The following CLEC5A variants were observed in gnomAD, a reference collection of about 807,000 sequenced individuals.
CLEC5A encodes C-type lectin domain family 5 member A.
CLEC5A carries 15 observed loss-of-function variants against 24.4 expected under a neutral mutation model. The observed-to-expected ratio is 0.62, with a 90% confidence interval of 0.41 to 0.95. The LOEUF (loss-of-function observed/expected upper bound fraction) is 0.95, where lower values mean the gene tolerates loss of function less well. Ranked by LOEUF, CLEC5A falls within the 40% of genes least tolerant of loss-of-function variation. The pLI, the probability that CLEC5A is intolerant of heterozygous loss-of-function variation, is 0.00. For missense variants in CLEC5A, 211 were observed against 224.0 expected, an observed-to-expected ratio of 0.94 and a Z score of 0.37; for synonymous variants, 71 against 72.6, an observed-to-expected ratio of 0.98 and a Z score of 0.11.
chr7:141,943,023 C>CA (rs1554441770), intron 4 of CLEC5A, among the ~76,000 whole-genome samples: 2 of 152,034 alleles, frequency 1.3e-5, no homozygotes. Flanking sequence ...GGAAGTTCCT[C>CA]AAAAAACTGT....
chr7:141,932,839 T>C (rs1554440560), intron 5 of CLEC5A, among the ~76,000 whole-genome samples: 1 of 152,218 alleles, frequency 6.6e-6, no homozygotes, highest in East Asian at 1.9e-4. Flanking sequence ...GCTTTCAAGT[T>C]ACAACAGCAG....
intron 5 of CLEC5A, among the ~76,000 whole-genome samples, chr7:141,932,824 C>T (rs564754524): frequency 1.4e-4 from 22 of 152,272 alleles, no homozygotes; most frequent in South Asian, 8.3e-4. Flanking sequence ...ACATTATCTA[C>T]GGCTGCTTTC....
At chr7:141,936,514 G>A (rs897242419) in intron 4 of CLEC5A, among the ~76,000 whole-genome samples, 5 of 152,182 alleles carry the variant, frequency 3.3e-5, no homozygotes, top group South Asian at 4.1e-4. Flanking sequence ...TTAGATGAGC[G>A]CTAGCCGGAG....
chr7:141,942,133 C>CA (rs797039336), intron 4 of CLEC5A, among the ~76,000 whole-genome samples: 2 of 151,752 alleles, frequency 1.3e-5, no homozygotes, highest in Admixed American at 6.6e-5. Context: ...CTATCCTAAG[C>CA]AAAAAAATAA....
chr7:141,934,611 ACGTTT>A (rs1802559832), intron 5 of CLEC5A, among the ~76,000 whole-genome samples: 1 of 99,440 alleles, frequency 1.0e-5, no homozygotes, highest in East Asian at 2.9e-4. Flanking sequence ...TTTTTCTTTA[ACGTTT>A]TTTTTTTTTT....
At chr7:141,938,010 A>G (rs1594777) in intron 4 of CLEC5A, among the ~76,000 whole-genome samples, 35,359 of 152,142 alleles carry the variant, frequency 0.23, 5,038 homozygotes, top group East Asian at 0.46. Flanking sequence ...AGGTCACAGC[A>G]CCCAAGTCCT....
chr7:141,930,060 T>C lies in CLEC5A; in HGVS notation c.*44A>G, dbSNP rs1554440072. The C allele has an allele frequency of 1.4e-6, 2 of 1,474,594 alleles. No individual in the cohort carries two copies. Among genetic ancestry groups the C allele is most frequent in the Non-Finnish European group, 1.9e-6 (2 of 1,056,332 alleles). The allele number at this position is 1,474,594 out of a possible 1,614,324, so 91.3% of individuals were successfully genotyped here. The stretch of plus-strand genomic sequence containing the variant: ...CATTGGCCAGACGACCTGTATGGAT[T>C]CAAAAAGAGTTGCAAGTATAGTTCT... On this transcript the variant is annotated 3_prime_UTR_variant, in exon 7 of 7. Coordinates refer to ENST00000546910, the MANE Select transcript of CLEC5A (RefSeq NM_013252.3).
Position 141,946,449 on chromosome 7 carries a change from G to A in CLEC5A, c.-20-137C>T, listed in dbSNP as rs1280508511. 4.1e-6 allele frequency: 3 copies of A among 728,210 alleles called. No individual in the cohort carries two copies. In the African/African-American group the frequency reaches 5.4e-5, roughly 13 times the overall value. The allele number at this position is 728,210 out of a possible 1,614,324, so 45.1% of individuals were successfully genotyped here. ...CAGGCATGACATTGACAGGTACCAGGAGGTGACCCAGCGTGGGCCGCGAAC... is the reference window on the plus strand; with the variant it reads ...CAGGCATGACATTGACAGGTACCAGAAGGTGACCCAGCGTGGGCCGCGAAC... On this transcript the variant is annotated intron_variant, in intron 1 of 6. Coordinates refer to ENST00000546910, the MANE Select transcript of CLEC5A (RefSeq NM_013252.3).
rs1802357354 is a variant in CLEC5A at position 141,928,295 on chromosome 7, T to C, written c.*1809A>G. On this transcript the variant is annotated 3_prime_UTR_variant, in exon 7 of 7. Transcript: ENST00000546910. Reference sequence around the variant, plus strand: ...AAAGAAATCACTAGATGTCTACATTTCCTGATCTTAAAAGTTTGCAGTTAT... The same window carrying C: ...AAAGAAATCACTAGATGTCTACATTCCCTGATCTTAAAAGTTTGCAGTTAT... 6.6e-6 allele frequency: 1 copy of C among 152,644 alleles called. No homozygotes were observed. Among genetic ancestry groups the C allele is most frequent in the South Asian group, 2.1e-4 (1 of 4,836 alleles). The allele number at this position is 152,644 out of a possible 1,614,324, so 9.5% of individuals were successfully genotyped here.
At chr7:141,940,944 C>T (rs1282167589) in intron 4 of CLEC5A, among the ~76,000 whole-genome samples, 2 of 151,914 alleles carry the variant, frequency 1.3e-5, no homozygotes, top group Non-Finnish European at 2.9e-5. Flanking sequence ...TAAAAACTCT[C>T]CCAATAAAGA....
chr7:141,942,922 C>A (rs1435249390), intron 4 of CLEC5A, among the ~76,000 whole-genome samples: 1 of 152,008 alleles, frequency 6.6e-6, no homozygotes, highest in African/African-American at 2.4e-5. Flanking sequence ...AAAAGGCAGG[C>A]AATACCAATG....
At chr7:141,944,907 CTG>C (rs1802908189) in intron 3 of CLEC5A, among the ~76,000 whole-genome samples, 1 of 151,884 alleles carries the variant, frequency 6.6e-6, no homozygotes, top group Admixed American at 6.6e-5. Context: ...TGGGTTGCCT[CTG>C]TTGATACTAA....
chr7:141,931,606 CAGAACAGAGTCAAGTGTCAGCGTT>C (rs782430536), intron 6 of CLEC5A, 90 bp downstream of exon 6: 2 of 683,228 alleles, frequency 2.9e-6, no homozygotes. Flanking sequence ...AGGAGAAGAG[CAGAACAGAGTCAAGTGTCAGCGTT>C]TGAGCTATTC....
At position 141,943,584 on chromosome 7, in the gene CLEC5A, T is replaced by C. The variant is rs114065974; in HGVS notation, c.208+312A>G. Among the ~76,000 whole-genome samples the C allele has an allele frequency of 5.1e-3, 772 of 152,240 alleles. 8 individuals are homozygous for C. The highest frequency in any genetic ancestry group is 0.017 in the African/African-American group (717 of 41,530). On this transcript the variant is annotated intron_variant, in intron 4 of 6. Coordinates refer to ENST00000546910, the MANE Select transcript of CLEC5A (RefSeq NM_013252.3). Reference sequence around the variant, plus strand: ...ATTTAAACATAACTAACAGTATAATTGGATTGTTTGTAATACAAAAGATAA... The same window carrying C: ...ATTTAAACATAACTAACAGTATAATCGGATTGTTTGTAATACAAAAGATAA...
chr7:141,935,956 G>A lies in CLEC5A; in HGVS notation c.209-6C>T. ...TTCCCAGTCTTTGGGGCAGACTGAA[G>A]AGGTCCAAGAAAGGAGAGTACGAGT... On this transcript the variant is annotated splice_region_variant and splice_polypyrimidine_tract_variant and intron_variant, in intron 4 of 6. Transcript: ENST00000546910. The A allele has an allele frequency of 6.2e-7, 1 of 1,612,534 alleles. No homozygotes were observed. The highest frequency in any genetic ancestry group is 8.5e-7 in the Non-Finnish European group (1 of 1,178,588).
At chr7:141,939,548 A>G (rs1802724423) in intron 4 of CLEC5A, among the ~76,000 whole-genome samples, 1 of 152,154 alleles carries the variant, frequency 6.6e-6, no homozygotes, top group Non-Finnish European at 1.5e-5. Context: ...ACAACCAGAA[A>G]ACAAATAACA....
At position 141,943,799 on chromosome 7, in the gene CLEC5A, A is replaced by C. The variant is rs529909436; in HGVS notation, c.208+97T>G. 3.4e-6 allele frequency: 3 copies of C among 882,930 alleles called. No homozygotes were observed. In the East Asian group the frequency reaches 7.4e-5, roughly 22 times the overall value. The allele number at this position is 882,930 out of a possible 1,614,324, so 54.7% of individuals were successfully genotyped here. ...GGTCGTTATGGTCCCTTTGAGCAAA[A>C]AAATTCCATAAGAATAAAGACAATG... On this transcript the variant is annotated intron_variant, in intron 4 of 6. Transcript: ENST00000546910.
In CLEC5A at chr7:141,929,927, G is replaced by A; in HGVS notation, c.*177C>T. The stretch of plus-strand genomic sequence containing the variant: ...GAGTTGTTTCCGTAAAACTGATCCT[G>A]TCTCCTGGAGATGGCTAGCATCCAG... On this transcript the variant is annotated 3_prime_UTR_variant, in exon 7 of 7. Transcript: ENST00000546910. The A allele has an allele frequency of 1.7e-6, 1 of 576,836 alleles. No individual in the cohort carries two copies. Among genetic ancestry groups the A allele is most frequent in the Non-Finnish European group, 3.1e-6 (1 of 323,504 alleles). The allele number at this position is 576,836 out of a possible 1,614,324, so 35.7% of individuals were successfully genotyped here.
intron 4 of CLEC5A, among the ~76,000 whole-genome samples, chr7:141,940,130 T>TC (rs2128961819): frequency 6.6e-6 from 1 of 152,284 alleles, no homozygotes; most frequent in African/African-American, 2.4e-5. Context: ...AGCTACAGAA[T>TC]ACACATTCTT....
Sources: allele counts gnomAD v4.1 joint callset (sites outside exome capture counted in the v4.1 genomes callset), GRCh38; gene constraint gnomAD v4.1.1; transcripts MANE v1.5; gene names NCBI Gene and HGNC (gene_info 2026-07-23, HGNC 2026-07-21).